The following PRKAG2 variants were observed in gnomAD, a reference collection of about 807,000 sequenced individuals.
PRKAG2 encodes the protein protein kinase AMP-activated non-catalytic subunit gamma 2, also known as 5'-AMP-activated protein kinase subunit gamma-2.
PRKAG2 carries 26 observed loss-of-function variants against 69.6 expected under a neutral mutation model. The observed-to-expected ratio is 0.37, with a 90% CI of 0.27 to 0.52. The LOEUF (loss-of-function observed/expected upper bound fraction) is 0.52, where lower values mean the gene tolerates loss of function less well. PRKAG2 is among the 20% of genes least tolerant of loss of function. The probability of loss-of-function intolerance (pLI) is 0.90; values close to 1 mark genes in which losing one functional copy is unlikely to be tolerated. For synonymous variants in PRKAG2, 293 were observed against 285.0 expected (o/e 1.03, Z -0.28); for missense variants, 557 against 740.0 (o/e 0.75, Z 2.87).
rs529248788 is a variant in PRKAG2 at position 151,693,114 on chromosome 7, G to A, written c.467-17477C>T. The stretch of plus-strand genomic sequence containing the variant: ...CTTCCACCAGACTCAGTCACCCGGC[G>A]CTCCTGAGGACAGGGGTCTTTGGTA... On this transcript the variant is annotated intron_variant, in intron 3 of 15. Transcript: ENST00000287878. Among the ~76,000 whole-genome samples the A allele has an allele frequency of 1.9e-3, 286 of 152,304 alleles. 3 individuals are homozygous for A. The highest frequency in any genetic ancestry group is 6.7e-3 in the African/African-American group (280 of 41,564).
chr7:151,756,693 C>T lies in PRKAG2; in HGVS notation c.466+24459G>A, dbSNP rs534435202. 1.3e-5 allele frequency among the ~76,000 whole-genome samples: 2 copies of T among 152,272 alleles called. No individual in the cohort carries two copies. Among genetic ancestry groups the T allele is most frequent in the African/African-American group, 4.8e-5 (2 of 41,548 alleles). ...CCAGCCCCGCCAGGGCTCCCAGCGC[C>T]GCCCTCTTCCCTTCTCCCACCTGGG... On this transcript the variant is annotated intron_variant, in intron 3 of 15. Coordinates refer to ENST00000287878, the MANE Select transcript of PRKAG2 (RefSeq NM_016203.4). This position sits in a 1 kb window ranked among gnomAD's most constrained non-coding sequence, Gnocchi z 4.9.
chr7:151,644,709 G>A (rs1827278636), intron 4 of PRKAG2, among the ~76,000 whole-genome samples: 1 of 152,186 alleles, frequency 6.6e-6, no homozygotes, highest in African/African-American at 2.4e-5. Flanking sequence ...CCAAGGAGTA[G>A]AATGGCTGAG....
rs1798828976 is a variant in PRKAG2, at chr7:151,730,920, T to A, written c.466+50232A>T. 2.6e-5 allele frequency among the ~76,000 whole-genome samples: 4 copies of A among 152,230 alleles called. No homozygotes were observed. The South Asian group carries it at 8.3e-4, about 32-fold the overall frequency. ...AGGTGGGTATAAGGGCCAAGCGTCC[T>A]CAGAGGATGTGGTCTCCGGTCTTAC... On this transcript the variant is annotated intron_variant, in intron 3 of 15. Transcript: ENST00000287878.
chr7:151,867,305 GA>G (rs1422963735), intron 1 of PRKAG2, among the ~76,000 whole-genome samples: 1 of 152,200 alleles, frequency 6.6e-6, no homozygotes, highest in East Asian at 1.9e-4. Flanking sequence ...CTTTAAAACA[GA>G]ATGGATTCTC....
chr7:151,795,994 G>A (rs1319891865), intron 1 of PRKAG2, among the ~76,000 whole-genome samples: 1 of 145,576 alleles, frequency 6.9e-6, no homozygotes, highest in Non-Finnish European at 1.5e-5. Context: ...GTATATTAAG[G>A]AGATATAATC....
chr7:151,798,739 G>A (rs1767165503), intron 1 of PRKAG2, among the ~76,000 whole-genome samples: 1 of 152,180 alleles, frequency 6.6e-6, no homozygotes, highest in African/African-American at 2.4e-5. Flanking sequence ...CTGTCCCCGA[G>A]GTGTCACCAG....
intron 1 of PRKAG2, among the ~76,000 whole-genome samples, chr7:151,851,590 G>C (rs2079570262): frequency 6.6e-6 from 1 of 152,184 alleles, no homozygotes; most frequent in Non-Finnish European, 1.5e-5. Flanking sequence ...ATATGCCCCT[G>C]TTCAGCCAAA....
intron 1 of PRKAG2, among the ~76,000 whole-genome samples, chr7:151,857,832 G>A (rs1569222): frequency 0.39 from 58,675 of 152,100 alleles, 12,581 homozygotes; most frequent in East Asian, 0.54. Context: ...TCAGAAGGCG[G>A]GCATACAATT....
At chr7:151,716,914 G>A (rs973296463) in intron 3 of PRKAG2, among the ~76,000 whole-genome samples, 10 of 152,286 alleles carry the variant, frequency 6.6e-5, no homozygotes, top group Non-Finnish European at 1.3e-4. Context: ...AAGGGGAGCA[G>A]TGGCGACTTG....
At chr7:151,698,937 C>T (rs955237843) in intron 3 of PRKAG2, among the ~76,000 whole-genome samples, 4 of 152,114 alleles carry the variant, frequency 2.6e-5, no homozygotes, top group African/African-American at 2.4e-5. Flanking sequence ...TGAGATGCCA[C>T]GTGGAACCCT....
Position 151,802,950 on chromosome 7 carries a change from A to ATAC in PRKAG2, c.115-16410_115-16409insGTA, listed in dbSNP as rs1554605680. On this transcript the variant is annotated intron_variant, in intron 1 of 15. Transcript: ENST00000287878. ...ATATGATATATATATAAGCAATATGATATATATATATATTTTTTTTTTTTT... is the reference window on the plus strand; with the variant it reads ...ATATGATATATATATAAGCAATATGATACTATATATATATATTTTTTTTTTTTT... Among the ~76,000 whole-genome samples the ATAC allele has an allele frequency of 3.3e-3, 351 of 105,780 alleles. 3 individuals are homozygous for ATAC. The highest frequency in any genetic ancestry group is 1.8e-3 in the Non-Finnish European group (84 of 47,838). 69.4% of individuals were successfully genotyped at this position (105,780 alleles called of 152,430 possible).
At chr7:151,765,442 C>T (rs1285859541) in intron 3 of PRKAG2, among the ~76,000 whole-genome samples, 3 of 152,196 alleles carry the variant, frequency 2.0e-5, no homozygotes, top group African/African-American at 7.2e-5. Context: ...TACAATTCAA[C>T]AGGAGATTCG....
chr7:151,716,479 A>G (rs1796207363), intron 3 of PRKAG2, among the ~76,000 whole-genome samples: 1 of 152,198 alleles, frequency 6.6e-6, no homozygotes, highest in Non-Finnish European at 1.5e-5. Context: ...TGGATCCACA[A>G]GTCCTGGCCT....
chr7:151,810,798 A>G (rs1180856097), intron 1 of PRKAG2: 1 of 153,802 alleles, frequency 6.5e-6, no homozygotes, highest in East Asian at 1.9e-4. Context: ...TGCCCACAAA[A>G]TAAAATCAAA....
chr7:151,576,152 G>A, intron 7 of PRKAG2: 1 of 570,940 alleles, frequency 1.8e-6, no homozygotes, highest in Non-Finnish European at 3.1e-6. Flanking sequence ...TGTTGCCCAG[G>A]CTGGCCTCGA....
intron 1 of PRKAG2, among the ~76,000 whole-genome samples, chr7:151,787,701 AT>A (rs766722583): frequency 6.6e-6 from 1 of 152,178 alleles, no homozygotes; most frequent in Non-Finnish European, 1.5e-5. Flanking sequence ...ACCAAAAAAA[AT>A]CTATATGTTG....
chr7:151,706,620 T>C (rs1465878187), intron 3 of PRKAG2, among the ~76,000 whole-genome samples: 1 of 152,126 alleles, frequency 6.6e-6, no homozygotes, highest in Non-Finnish European at 1.5e-5. Context: ...GAAATGCAAA[T>C]GATGGTTTTT....
At chr7:151,812,876 T>C (rs1213778261) in intron 1 of PRKAG2, among the ~76,000 whole-genome samples, 1 of 152,064 alleles carries the variant, frequency 6.6e-6, no homozygotes, top group African/African-American at 2.4e-5. Flanking sequence ...ATTTAACCAC[T>C]GAACCCTCAG....
At chr7:151,822,919 C>T (rs2078822489) in intron 1 of PRKAG2, among the ~76,000 whole-genome samples, 1 of 152,224 alleles carries the variant, frequency 6.6e-6, no homozygotes, top group South Asian at 2.1e-4. Flanking sequence ...AGAAAACAAC[C>T]TCCAGCGACT....
Sources: gnomAD v4.1 joint callset for allele counts (sites outside exome capture counted in the v4.1 genomes callset) on GRCh38, gnomAD v4.1.1 for gene constraint, Gnocchi (gnomAD v3.1) non-coding constraint, MANE v1.5 for transcripts, NCBI Gene and HGNC (gene_info 2026-07-23, HGNC 2026-07-21) for gene names.